BUD23: variants seen among roughly 807,000 people sequenced by gnomAD.
The protein encoded by BUD23 is 18S rRNA (guanine-N(7))-methyltransferase.
BUD23 carries 34 observed loss-of-function variants against 47.0 expected under a neutral mutation model. The ratio of observed to expected loss-of-function variants is 0.72; its 90% CI spans 0.55 to 0.96. The LOEUF (loss-of-function observed/expected upper bound fraction) is 0.96. Among genes scored for constraint, BUD23 ranks in the 40% least tolerant of loss-of-function variants. The pLI is 0.00. For missense variants in BUD23, 343 were observed against 361.2 expected (o/e 0.95, Z 0.41); for synonymous variants, 124 against 132.0 (o/e 0.94, Z 0.41).
At position 73,697,992 on chromosome 7, in the gene BUD23, G is replaced by A; in HGVS notation, c.*106G>A. On this transcript the variant is annotated 3_prime_UTR_variant, in exon 12 of 12. Coordinates refer to ENST00000265758, the MANE Select transcript of BUD23 (RefSeq NM_017528.5). ...TTCTAAAGTTATAAAAATGTTTTCT[G>A]CAGTAAAAAAAAAGTTCTCTGGGCC... 1.4e-6 allele frequency: 2 copies of A among 1,412,158 alleles called. No individual in the cohort carries two copies. The highest frequency in any genetic ancestry group is 1.9e-6 in the Non-Finnish European group (2 of 1,060,652). The allele number at this position is 1,412,158 out of a possible 1,614,324, so 87.5% of individuals were successfully genotyped here. A position where few individuals can be genotyped will look rare whatever the true frequency, so the allele number is the denominator to read the frequency against.
chr7:73,687,962 C>T (rs1187651227), intron 5 of BUD23, among the ~76,000 whole-genome samples: 15 of 150,290 alleles, frequency 1.0e-4, no homozygotes, highest in Non-Finnish European at 2.2e-4. Context: ...GTGGCGGGAT[C>T]TCGGCTCACT....
chr7:73,694,234 G>A, intron 10 of BUD23, 184 bp downstream of exon 10: 2 of 604,272 alleles, frequency 3.3e-6, no homozygotes, highest in Non-Finnish European at 5.5e-6. Flanking sequence ...TTGGGGTCCT[G>A]GATGTCTGGG....
Position 73,697,875 on chromosome 7 carries a change from C to A in BUD23, c.835C>A (p.Pro279Thr), listed in dbSNP as rs1554615192. 6.2e-7 allele frequency: 1 copy of A among 1,613,938 alleles called. No homozygotes were observed. Among genetic ancestry groups the A allele is most frequent in the East Asian group, 2.2e-5 (1 of 44,882 alleles). The change falls in exon 12 of 12, where the codon CCC becomes ACC. Residue 279 changes from proline (P) to threonine (T), a missense_variant. Coordinates refer to ENST00000265758, the MANE Select transcript of BUD23 (RefSeq NM_017528.5). ...CCAGTACACCGGCCGCAAGCGCAAG[C>A]CCCGCTTCTAAGTCACCACGCGGTT... ...DTQYTGRKRK[P>T]RF
At chr7:73,687,767 C>G (rs1055954468) in intron 5 of BUD23, among the ~76,000 whole-genome samples, 1 of 152,166 alleles carries the variant, frequency 6.6e-6, no homozygotes, top group Non-Finnish European at 1.5e-5. Flanking sequence ...TTTACAAATA[C>G]ACATCCCATG....
chr7:73,690,092 C>T (rs180743375), intron 5 of BUD23, among the ~76,000 whole-genome samples: 1 of 152,214 alleles, frequency 6.6e-6, no homozygotes, highest in East Asian at 1.9e-4. Flanking sequence ...GCAACCTCTG[C>T]CTCCCAGGTT....
At chr7:73,688,977 CA>C (rs1798085331) in intron 5 of BUD23, among the ~76,000 whole-genome samples, 2 of 152,162 alleles carry the variant, frequency 1.3e-5, no homozygotes, top group African/African-American at 4.8e-5. Flanking sequence ...AACCGAAGGC[CA>C]GCAGTATGGT....
chr7:73,694,173 C>T lies in BUD23; in HGVS notation c.701+123C>T, dbSNP rs533911154. The T allele has an allele frequency of 8.1e-5, 84 of 1,035,108 alleles. No homozygotes were observed. The East Asian group carries it at 9.5e-4, about 12-fold the overall frequency. 64.1% of individuals were successfully genotyped at this position (1,035,108 alleles called of 1,614,324 possible). ...ACATGCAGCAGGGACACCAAGGTGA[C>T]GGTAGAAACATCAGGTCCCATTTGG... On this transcript the variant is annotated intron_variant, in intron 10 of 11. Transcript: ENST00000265758.
rs780928648 is a variant in BUD23, at chr7:73,697,863, C to T, written c.823C>T (p.Arg275Cys). Reference protein sequence around the residue: ...EVRPDTQYTGRKRKPRF With the variant: ...EVRPDTQYTGCKRKPRF Reference sequence around the variant, plus strand: ...CAGACCTGACACCCAGTACACCGGCCGCAAGCGCAAGCCCCGCTTCTAAGT... The same window carrying T: ...CAGACCTGACACCCAGTACACCGGCTGCAAGCGCAAGCCCCGCTTCTAAGT... The change falls in exon 12 of 12, where the codon CGC (arginine) becomes TGC (cysteine). Residue 275 changes from arginine (R) to cysteine (C), a missense_variant. By Grantham distance (180) the Arg-to-Cys change is radical. Transcript: ENST00000265758. 42 of 1,613,778 alleles carry T rather than the reference C, an allele frequency of 2.6e-5. No homozygotes were observed. The highest frequency in any genetic ancestry group is 3.3e-5 in the South Asian group (3 of 91,042).
intron 5 of BUD23, among the ~76,000 whole-genome samples, chr7:73,688,443 G>A (rs534216110): frequency 3.9e-5 from 6 of 152,340 alleles, no homozygotes; most frequent in Non-Finnish European, 7.3e-5. Context: ...TGTGTGTCTG[G>A]TGGGGCAGAG....
In BUD23 at chr7:73,691,031, C is replaced by T. The variant is rs1554613959; in HGVS notation, c.459+19C>T. ...TGTTCTCGTGAGTATAAGATCTTCT[C>T]CCCATCTGGGTTAGCTGCCTGTCCC... is the stretch of plus-strand genomic sequence containing the variant. On this transcript the variant is annotated intron_variant, in intron 6 of 11. Transcript: ENST00000265758. 9 of 1,609,534 alleles carry T rather than the reference C, an allele frequency of 5.6e-6. No individual in the cohort carries two copies. The East Asian group carries it at 6.7e-5, about 12-fold the overall frequency.
At chr7:73,684,688 T>C (rs10243174) in intron 2 of BUD23, among the ~76,000 whole-genome samples, 143,409 of 145,982 alleles carry the variant, frequency 0.98, 70,492 homozygotes, top group Middle Eastern at 1. Flanking sequence ...TTTGGGAGGC[T>C]GAGGCAGACG....
intron 6 of BUD23, among the ~76,000 whole-genome samples, chr7:73,691,751 C>T (rs1422379663): frequency 2.6e-5 from 4 of 151,996 alleles, no homozygotes; most frequent in African/African-American, 9.7e-5. Flanking sequence ...AGGCACACAC[C>T]ACCATGCCAG....
At chr7:73,691,525 A>G (rs1351219315) in intron 6 of BUD23, among the ~76,000 whole-genome samples, 1 of 152,202 alleles carries the variant, frequency 6.6e-6, no homozygotes, top group East Asian at 1.9e-4. Flanking sequence ...TTGTCTTCAA[A>G]TTAATGATGT....
At chr7:73,689,342 C>G (rs549539988) in intron 5 of BUD23, among the ~76,000 whole-genome samples, 1 of 151,836 alleles carries the variant, frequency 6.6e-6, no homozygotes, top group African/African-American at 2.4e-5. Flanking sequence ...CCACCGCACC[C>G]GGCCCAGACT....
chr7:73,686,596 A>C lies in BUD23; in HGVS notation c.87-40A>C, dbSNP rs782733653. 2.5e-6 allele frequency: 4 copies of C among 1,580,468 alleles called. No homozygotes were observed. The South Asian group carries it at 3.4e-5, about 13-fold the overall frequency. ...TGGTCTGGGGGAAGTATTCACCCAG[A>C]ACTCCTTTACCATGTCCACTTGTGT... On this transcript the variant is annotated intron_variant, in intron 2 of 11. Transcript: ENST00000265758.
intron 2 of BUD23, 143 bp downstream of exon 2, chr7:73,683,947 G>A: frequency 6.4e-7 from 1 of 1,559,710 alleles, no homozygotes; most frequent in Non-Finnish European, 8.6e-7. Context: ...TCTGTCTCTG[G>A]TAAATCAACT....
At chr7:73,693,859 G>A (rs1334282269) in intron 9 of BUD23, 133 bp from the exon 10 acceptor site, 16 of 1,347,574 alleles carry the variant, frequency 1.2e-5, no homozygotes, top group East Asian at 2.3e-5. Context: ...CCAGAAAGGC[G>A]TGTCAGTTCC....
chr7:73,696,137 G>A (rs1410331561), intron 10 of BUD23: 1 of 152,230 alleles, frequency 6.6e-6, no homozygotes, highest in Admixed American at 6.5e-5. Flanking sequence ...AGACATTTAA[G>A]AGGAAAAATG....
chr7:73,692,664 T>A lies in BUD23; in HGVS notation c.510+18T>A, dbSNP rs1296747597. 2.5e-6 allele frequency: 4 copies of A among 1,610,774 alleles called. No individual in the cohort carries two copies. The highest frequency in any genetic ancestry group is 3.4e-6 in the Non-Finnish European group (4 of 1,177,360). ...CAGAGCAGGTGAGTCCCTCGGCTAC[T>A]GGGTGTGCCGGGGAGTTGGGGGACT... is the stretch of plus-strand genomic sequence containing the variant. On this transcript the variant is annotated intron_variant, in intron 7 of 11. Transcript: ENST00000265758.
Sources: gnomAD v4.1 joint callset for allele counts (sites outside exome capture counted in the v4.1 genomes callset) on GRCh38, gnomAD v4.1.1 for gene constraint, MANE v1.5 for transcripts, NCBI Gene and HGNC (gene_info 2026-07-23, HGNC 2026-07-21) for gene names.